Variants in ADK observed in about 807,000 individuals in gnomAD.
The protein encoded by ADK is adenosine kinase.
A neutral mutation model predicts 44.7 loss-of-function variants in ADK; 24 were observed. That is an observed-to-expected ratio of 0.54 (90% CI 0.39 to 0.76). The LOEUF (loss-of-function observed/expected upper bound fraction) is 0.76. ADK is among the 30% of genes least tolerant of loss of function. The pLI is 0.00. For missense variants in ADK, 321 were observed against 425.1 expected, an observed-to-expected ratio of 0.76 and a Z score of 2.15; for synonymous variants, 128 against 142.6, an observed-to-expected ratio of 0.90 and a Z score of 0.73.
At chr10:74,199,605 T>C (rs551787221) in intron 1 of ADK, among the ~76,000 whole-genome samples, 4 of 152,228 alleles carry the variant, frequency 2.6e-5, no homozygotes, top group Non-Finnish European at 4.4e-5. Context: ...GGCACCTAAG[T>C]TGATTCCATG....
At chr10:74,187,751 T>C (rs552428306) in intron 1 of ADK, among the ~76,000 whole-genome samples, 34 of 152,218 alleles carry the variant, frequency 2.2e-4, no homozygotes, top group Non-Finnish European at 4.3e-4. Context: ...TTGTCTTTTG[T>C]ATTTAGGCCT....
Position 74,296,359 on chromosome 10 carries a change from G to T in ADK, c.195-18308G>T, listed in dbSNP as rs146376621. Among the ~76,000 whole-genome samples, 647 of 152,208 alleles carry T rather than the reference G, an allele frequency of 4.3e-3. 5 individuals are homozygous for T. Among genetic ancestry groups the T allele is most frequent in the African/African-American group, 0.014 (588 of 41,550 alleles). On this transcript the variant is annotated intron_variant, in intron 3 of 10. Coordinates refer to ENST00000539909, the MANE Select transcript of ADK (RefSeq NM_006721.4). Reference sequence around the variant, plus strand: ...TGTATTAAAAATGAGCAATGTTTGTGAAGAGTTGATGTGTAGAAAAGTTAA... The same window carrying T: ...TGTATTAAAAATGAGCAATGTTTGTTAAGAGTTGATGTGTAGAAAAGTTAA...
chr10:74,227,131 G>A (rs1373501823), intron 3 of ADK, among the ~76,000 whole-genome samples: 2 of 152,134 alleles, frequency 1.3e-5, no homozygotes, highest in Non-Finnish European at 2.9e-5. Context: ...CAACTCACCT[G>A]CTGTATTAAA....
intron 3 of ADK, among the ~76,000 whole-genome samples, chr10:74,287,589 T>C (rs1847223809): frequency 6.6e-6 from 1 of 152,102 alleles, no homozygotes; most frequent in African/African-American, 2.4e-5. Context: ...GAGAGGGGGA[T>C]GTTATGTCCT....
intron 4 of ADK, among the ~76,000 whole-genome samples, chr10:74,340,521 A>G (rs1841548701): frequency 6.6e-6 from 1 of 152,190 alleles, no homozygotes; most frequent in Non-Finnish European, 1.5e-5. Flanking sequence ...GAAGCCATAC[A>G]TAGCATTTGC....
In ADK at chr10:74,477,528, A is replaced by G. The variant is rs1310322084; in HGVS notation, c.556-47728A>G. 2.6e-5 allele frequency among the ~76,000 whole-genome samples: 4 copies of G among 152,284 alleles called. No homozygotes were observed. In the East Asian group the frequency reaches 7.7e-4, roughly 29 times the overall value. ...TAGCCAAGATTTTTTAAAAGATAAT[A>G]AGTATTCTTTTTCGGGGAATTCTTC... On this transcript the variant is annotated intron_variant, in intron 6 of 10. Coordinates refer to ENST00000539909, the MANE Select transcript of ADK (RefSeq NM_006721.4).
intron 9 of ADK, among the ~76,000 whole-genome samples, chr10:74,630,472 C>T (rs1242245669): frequency 2.0e-5 from 3 of 152,002 alleles, no homozygotes; most frequent in Non-Finnish European, 4.4e-5. Flanking sequence ...AGAGTACTGG[C>T]CAGTTATTTT....
intron 3 of ADK, among the ~76,000 whole-genome samples, chr10:74,312,716 G>A (rs1385331695): frequency 6.7e-6 from 1 of 150,022 alleles, no homozygotes; most frequent in East Asian, 1.9e-4. Flanking sequence ...AGATCTGCTG[G>A]GCAACATGGT....
At chr10:74,587,959 A>T (rs569505584) in intron 7 of ADK, among the ~76,000 whole-genome samples, 126 of 152,212 alleles carry the variant, frequency 8.3e-4, no homozygotes, top group Non-Finnish European at 1.4e-3. Flanking sequence ...ATCTAGAAGA[A>T]CTTTGCATAT....
chr10:74,171,804 G>GTCTCTC (rs531929633), intron 1 of ADK, among the ~76,000 whole-genome samples: 19 of 148,014 alleles, frequency 1.3e-4, no homozygotes, highest in African/African-American at 4.7e-4. Context: ...GTCTCTCTCT[G>GTCTCTC]TCTCTCTGTG....
chr10:74,272,704 C>G (rs1846481884), intron 3 of ADK, among the ~76,000 whole-genome samples: 1 of 152,180 alleles, frequency 6.6e-6, no homozygotes, highest in Admixed American at 6.5e-5. Context: ...ATGTGTTTAA[C>G]TGGTTTGGTG....
At chr10:74,236,476 A>G (rs911767686) in intron 3 of ADK, among the ~76,000 whole-genome samples, 8 of 152,188 alleles carry the variant, frequency 5.3e-5, no homozygotes, top group Admixed American at 5.2e-4. Context: ...ATTCAAACAG[A>G]CGTACAGTGT....
intron 6 of ADK, among the ~76,000 whole-genome samples, chr10:74,447,911 C>T (rs187434760): frequency 5.3e-5 from 8 of 152,194 alleles, no homozygotes; most frequent in African/African-American, 1.2e-4. Context: ...TGGTGTATCA[C>T]GCCTGTAATC....
At chr10:74,223,825 A>T (rs966651827) in intron 2 of ADK, among the ~76,000 whole-genome samples, 1 of 152,204 alleles carries the variant, frequency 6.6e-6, no homozygotes, top group African/African-American at 2.4e-5. Context: ...ACGGTGACTC[A>T]TGCCAGTAAT....
intron 9 of ADK, among the ~76,000 whole-genome samples, chr10:74,618,116 GT>G (rs1302099199): frequency 6.6e-6 from 1 of 151,560 alleles, no homozygotes; most frequent in Non-Finnish European, 1.5e-5. Context: ...GACTTTTGTT[GT>G]TTTTTAATTA....
chr10:74,195,090 CA>C (rs11372723), intron 1 of ADK, among the ~76,000 whole-genome samples: 1 of 148,856 alleles, frequency 6.7e-6, no homozygotes. Context: ...CTCCCCCCCC[CA>C]AAAAAAAAAG....
intron 8 of ADK, among the ~76,000 whole-genome samples, chr10:74,600,062 T>C (rs147200092): frequency 3.3e-5 from 5 of 152,298 alleles, no homozygotes; most frequent in African/African-American, 9.6e-5. Flanking sequence ...CAAAGATATA[T>C]ACTAAAACAT....
intron 3 of ADK, among the ~76,000 whole-genome samples, chr10:74,235,144 T>C (rs1476444007): frequency 6.6e-6 from 1 of 150,514 alleles, no homozygotes; most frequent in Admixed American, 6.6e-5. Flanking sequence ...TTTTTTTTTT[T>C]CTGAAACTTT....
chr10:74,341,627 C>T (rs967516747), intron 4 of ADK, among the ~76,000 whole-genome samples: 25 of 151,226 alleles, frequency 1.7e-4, no homozygotes, highest in African/African-American at 6.1e-4. Flanking sequence ...TCAAAGATTT[C>T]TAGTATATTT....
Sources: allele counts gnomAD v4.1 joint callset (sites outside exome capture counted in the v4.1 genomes callset), GRCh38; gene constraint gnomAD v4.1.1; transcripts MANE v1.5; gene names NCBI Gene and HGNC (gene_info 2026-07-23, HGNC 2026-07-21).